The following C6 variants were observed in gnomAD, a reference collection of about 807,000 sequenced individuals.
C6 encodes complement C6, also known as complement component C6.
A neutral mutation model predicts 112.9 loss-of-function variants in C6; 101 were observed. The observed-to-expected ratio is 0.89, with a 90% CI of 0.76 to 1.06. C6 has a LOEUF of 1.06. Among genes scored for constraint, C6 ranks in the 50% least tolerant of loss-of-function variants. The probability of loss-of-function intolerance (pLI) is 0.00; values close to 1 mark genes in which losing one functional copy is unlikely to be tolerated. For missense variants in C6, 1,202 were observed against 1,104.6 expected (o/e 1.09, Z -1.25); for synonymous variants, 431 against 384.1 (o/e 1.12, Z -1.43).
At chr5:41,191,111 G>C (rs1412905499) in intron 5 of C6, among the ~76,000 whole-genome samples, 1 of 125,212 alleles carries the variant, frequency 8.0e-6, no homozygotes, top group Non-Finnish European at 1.6e-5. Context: ...GTGTTGCCCA[G>C]GCTGGAGTGC....
chr5:41,154,275 T>C (rs1385219848), intron 14 of C6, among the ~76,000 whole-genome samples: 1 of 152,220 alleles, frequency 6.6e-6, no homozygotes, highest in African/African-American at 2.4e-5. Context: ...TGGGACCTTT[T>C]CCTTTCAAGA....
intron 1 of C6, among the ~76,000 whole-genome samples, chr5:41,222,584 T>C (rs1013260296): frequency 4.6e-5 from 7 of 152,104 alleles, no homozygotes; most frequent in African/African-American, 1.7e-4. Context: ...GAAAAAAGTT[T>C]GAAGAGTTAA....
chr5:41,256,123 A>G (rs1010566848), intron 1 of C6, among the ~76,000 whole-genome samples: 7 of 152,038 alleles, frequency 4.6e-5, no homozygotes, highest in African/African-American at 1.7e-4. Context: ...TGAACTCATC[A>G]TTTTTTATGG....
At position 41,166,798 on chromosome 5, in the gene C6, A is replaced by G. The variant is rs1481914400; in HGVS notation, c.1292-4939T>C. On this transcript the variant is annotated intron_variant, in intron 9 of 17. Transcript: ENST00000337836. ...AGACTTCTTGGACTGTCTGCTAAAA[A>G]TTTCAATTTTGAAATTTTTCAATTT... Among the ~76,000 whole-genome samples, 3 of 152,146 alleles carry G rather than the reference A, an allele frequency of 2.0e-5. No individual in the cohort carries two copies. The East Asian group carries it at 5.8e-4, about 29-fold the overall frequency.
intron 17 of C6, among the ~76,000 whole-genome samples, chr5:41,144,425 G>A (rs1745623190): frequency 6.6e-6 from 1 of 151,872 alleles, no homozygotes; most frequent in African/African-American, 2.4e-5. Flanking sequence ...ACCCAACCAT[G>A]CTCACCTAAT....
At chr5:41,236,182 G>A (rs2150419123) in intron 1 of C6, among the ~76,000 whole-genome samples, 1 of 106,674 alleles carries the variant, frequency 9.4e-6, no homozygotes. Flanking sequence ...TAATGCCTAG[G>A]TTTTCTTCTA....
chr5:41,237,368 G>T (rs1248434166), intron 1 of C6, among the ~76,000 whole-genome samples: 1 of 9,926 alleles, frequency 1.0e-4, no homozygotes, highest in Non-Finnish European at 1.8e-4. Context: ...ACATCAAAAA[G>T]CTTATCCACC....
chr5:41,164,121 AG>A (rs2150280403), intron 9 of C6, among the ~76,000 whole-genome samples: 1 of 145,948 alleles, frequency 6.9e-6, no homozygotes, highest in East Asian at 2.3e-4. Context: ...GAAAGGGGGG[AG>A]GGAGGGAGAG....
intron 1 of C6, among the ~76,000 whole-genome samples, chr5:41,204,752 C>T (rs925495493): frequency 1.4e-5 from 2 of 145,862 alleles, no homozygotes; most frequent in African/African-American, 5.2e-5. Flanking sequence ...TCACTGCAAG[C>T]TCTGCCTCCC....
At chr5:41,143,560 T>A (rs1259843643) in intron 17 of C6, among the ~76,000 whole-genome samples, 1 of 152,244 alleles carries the variant, frequency 6.6e-6, no homozygotes. Context: ...TTACATGCTT[T>A]ATTTTTTTGA....
chr5:41,206,650 A>C (rs975694245), intron 1 of C6, among the ~76,000 whole-genome samples: 2 of 152,210 alleles, frequency 1.3e-5, no homozygotes, highest in African/African-American at 4.8e-5. Context: ...AATGAATGAA[A>C]TGAAGTGAGA....
intron 1 of C6, among the ~76,000 whole-genome samples, chr5:41,255,530 C>T (rs1238066830): frequency 6.6e-6 from 1 of 152,094 alleles, no homozygotes; most frequent in Non-Finnish European, 1.5e-5. Context: ...GAATCAATGA[C>T]AGTCATGAAG....
At chr5:41,254,292 A>G (rs1580261804) in intron 1 of C6, among the ~76,000 whole-genome samples, 1 of 152,004 alleles carries the variant, frequency 6.6e-6, no homozygotes, top group African/African-American at 2.4e-5. Context: ...TGTAGTCCCA[A>G]CTACTTGGGA....
chr5:41,209,689 A>G (rs1255334062), intron 1 of C6, among the ~76,000 whole-genome samples: 2 of 152,234 alleles, frequency 1.3e-5, no homozygotes, highest in African/African-American at 4.8e-5. Flanking sequence ...AAGGAGAACT[A>G]CAAACCACTG....
At chr5:41,144,589 C>A (rs1348921817) in intron 17 of C6, among the ~76,000 whole-genome samples, 1 of 151,962 alleles carries the variant, frequency 6.6e-6, no homozygotes, top group Non-Finnish European at 1.5e-5. Flanking sequence ...TTTTCTTTTT[C>A]TTAACTTTTA....
At chr5:41,238,572 G>A (rs1245626229) in intron 1 of C6, among the ~76,000 whole-genome samples, 1 of 152,194 alleles carries the variant, frequency 6.6e-6, no homozygotes, top group East Asian at 1.9e-4. Context: ...GAAGAGAAGA[G>A]ACAAAGGGTT....
chr5:41,167,364 A>T (rs192749427), intron 9 of C6, among the ~76,000 whole-genome samples: 70 of 152,276 alleles, frequency 4.6e-4, no homozygotes, highest in Non-Finnish European at 1.3e-4. Flanking sequence ...TCAACCACAG[A>T]ATGATAAAAA....
At chr5:41,178,916 C>T (rs942023191) in intron 7 of C6, among the ~76,000 whole-genome samples, 12 of 152,016 alleles carry the variant, frequency 7.9e-5, no homozygotes, top group Admixed American at 2.0e-4. Context: ...TACAGTGGTG[C>T]GATCTCCGCT....
At chr5:41,176,792 T>A in intron 7 of C6, 77 bp from the exon 8 acceptor site, 1 of 1,321,776 alleles carries the variant, frequency 7.6e-7, no homozygotes. Context: ...ATGTCATTGA[T>A]TTATCATTAG....
Sources: gnomAD v4.1 joint callset for allele counts (sites outside exome capture counted in the v4.1 genomes callset) on GRCh38, gnomAD v4.1.1 for gene constraint, MANE v1.5 for transcripts, NCBI Gene and HGNC (gene_info 2026-07-23, HGNC 2026-07-21) for gene names.